SMARCA1: variants seen among roughly 807,000 people sequenced by gnomAD.
SMARCA1 encodes SNF2 related chromatin remodeling ATPase 1.
Under a neutral mutation model 93.6 loss-of-function variants are expected in SMARCA1, and 17 were observed. The ratio of observed to expected loss-of-function variants is 0.18; its 90% CI spans 0.12 to 0.27. The LOEUF is 0.27. SMARCA1 is among the 10% of genes least tolerant of loss of function. The pLI is 1.00. For synonymous variants in SMARCA1, 271 were observed against 271.4 expected (o/e 1.00, Z 0.01); for missense variants, 630 against 819.0 (o/e 0.77, Z 2.82).
In SMARCA1 at chrX:129,523,254, C is replaced by T. The variant is rs755879108; in HGVS notation, c.117G>A (p.Ala39=). ...PGPSTSQEEG[A]AAAATEATAA... ...CGGTGGCTTCGGTGGCCGCGGCGGC[C>T]GCTCCCTCCTCCTGAGAGGTGGACG... Residue 39 remains alanine, a synonymous_variant, in exon 1 of 25, where the codon GCG becomes GCA. Transcript: ENST00000371121. 3 of 1,209,159 alleles carry T rather than the reference C, an allele frequency of 2.5e-6. No individual in the cohort carries two copies. The highest frequency in any genetic ancestry group is 4.4e-5 in the Admixed American group (2 of 45,916).
chrX:129,474,105 G>A (rs759357229), intron 19 of SMARCA1, among the ~76,000 whole-genome samples: 6 of 111,233 alleles, frequency 5.4e-5, no homozygotes, highest in Non-Finnish European at 1.1e-4. Flanking sequence ...TGGAAAAATC[G>A]GTGAAAAAGC....
chrX:129,496,996 CGT>C, intron 11 of SMARCA1, 125 bp from the exon 12 acceptor site: 1 of 482,749 alleles, frequency 2.1e-6, no homozygotes, highest in Non-Finnish European at 3.5e-6. Context: ...CACACACACA[CGT>C]GCACACACAC....
intron 13 of SMARCA1, among the ~76,000 whole-genome samples, chrX:129,492,597 T>G (rs1316629518): frequency 1.8e-5 from 2 of 110,747 alleles, no homozygotes; most frequent in East Asian, 5.6e-4. Flanking sequence ...AAGGGGAAAG[T>G]AAGAAGATTT....
chrX:129,451,516 C>A (rs1360610215), intron 23 of SMARCA1, among the ~76,000 whole-genome samples: 1 of 110,876 alleles, frequency 9.0e-6, no homozygotes, highest in Non-Finnish European at 1.9e-5. Context: ...AGTAGAATAC[C>A]TCAAAATGAG....
chrX:129,460,890 A>G (rs1261779859), intron 23 of SMARCA1, among the ~76,000 whole-genome samples: 1 of 112,300 alleles, frequency 8.9e-6, no homozygotes. Flanking sequence ...AAAACAGGGA[A>G]GTTAATAAAG....
At chrX:129,476,545 C>T (rs1933391108) in intron 19 of SMARCA1, among the ~76,000 whole-genome samples, 1 of 111,763 alleles carries the variant, frequency 8.9e-6, no homozygotes, top group Admixed American at 9.5e-5. Context: ...ATAGATAAAA[C>T]GTAACCATGA....
intron 19 of SMARCA1, among the ~76,000 whole-genome samples, chrX:129,476,074 G>A (rs746687909): frequency 1.8e-5 from 2 of 112,177 alleles, no homozygotes; most frequent in Admixed American, 9.4e-5. Context: ...TCAATGGAAC[G>A]TCCAGATATT....
chrX:129,482,207 G>T (rs1446624436), intron 17 of SMARCA1, among the ~76,000 whole-genome samples: 6 of 92,928 alleles, frequency 6.5e-5, no homozygotes, highest in African/African-American at 2.4e-4. Context: ...GGGAGGGATA[G>T]CATTGGGAGA....
chrX:129,514,435 A>G (rs2124341952), intron 5 of SMARCA1, among the ~76,000 whole-genome samples: 1 of 112,689 alleles, frequency 8.9e-6, no homozygotes, highest in East Asian at 2.8e-4. Flanking sequence ...ACTGATTTCC[A>G]AAGCCCCACC....
At chrX:129,490,531 A>G (rs1177201219) in intron 14 of SMARCA1, among the ~76,000 whole-genome samples, 2 of 112,188 alleles carry the variant, frequency 1.8e-5, no homozygotes, top group Non-Finnish European at 3.8e-5. Context: ...TTTATTAAGT[A>G]GTTAGGGTTG....
intron 11 of SMARCA1, among the ~76,000 whole-genome samples, chrX:129,497,237 T>C (rs1034505331): frequency 1.1e-4 from 12 of 110,964 alleles, no homozygotes; most frequent in Non-Finnish European, 2.1e-4. Flanking sequence ...TCATCCTCAA[T>C]AGACCCCCAT....
intron 21 of SMARCA1, among the ~76,000 whole-genome samples, chrX:129,467,394 C>A (rs938492486): frequency 1.1e-4 from 12 of 111,447 alleles, no homozygotes; most frequent in East Asian, 2.8e-4. Context: ...GAAAAAAATT[C>A]TTCTTAAAAA....
chrX:129,462,918 T>C (rs1932830818), intron 23 of SMARCA1, among the ~76,000 whole-genome samples: 1 of 105,728 alleles, frequency 9.5e-6, no homozygotes, highest in Non-Finnish European at 2.0e-5. Flanking sequence ...CAGAGACATC[T>C]AGTGGTTGAT....
chrX:129,480,759 C>A lies in SMARCA1; in HGVS notation c.2384G>T (p.Arg795Leu). The A allele has an allele frequency of 8.7e-7, 1 of 1,148,037 alleles. No individual in the cohort carries two copies. Among genetic ancestry groups the A allele is most frequent in the Non-Finnish European group, 1.1e-6 (1 of 870,253 alleles). The allele number at this position is 1,148,037 out of a possible 1,213,427, so 94.6% of individuals were successfully genotyped here. A position where few individuals can be genotyped will look rare whatever the true frequency, so the allele number is the denominator to read the frequency against. ...NVQDFQFFPP[R>L]LFELLEKEIL... ...TTCCTTTTCCAGGAGCTCAAATAAGCGTGGTGGGAAAAATTGAAAATCCTG... is the reference window on the plus strand; with the variant it reads ...TTCCTTTTCCAGGAGCTCAAATAAGAGTGGTGGGAAAAATTGAAAATCCTG... The change falls in exon 19 of 25, where the codon CGC becomes CTC. Residue 795 changes from arginine (R) to leucine (L), a missense_variant. Arg to Leu is a moderately radical substitution (Grantham distance 102). Transcript: ENST00000371121.
chrX:129,456,999 T>G (rs1033424115), intron 23 of SMARCA1, among the ~76,000 whole-genome samples: 3 of 112,168 alleles, frequency 2.7e-5, no homozygotes, highest in Middle Eastern at 4.6e-3. Flanking sequence ...CAGCATCACA[T>G]GCCAAAGATA....
At chrX:129,493,746 G>A (rs754481330) in intron 12 of SMARCA1, among the ~76,000 whole-genome samples, 9 of 112,149 alleles carry the variant, frequency 8.0e-5, no homozygotes, top group African/African-American at 2.9e-4. Context: ...GGAACTTTAA[G>A]TTGCCTAGCT....
At chrX:129,478,767 G>A (rs1239338895) in intron 19 of SMARCA1, among the ~76,000 whole-genome samples, 1 of 112,228 alleles carries the variant, frequency 8.9e-6, no homozygotes, top group Admixed American at 9.5e-5. Flanking sequence ...TATCAGAGAT[G>A]ATTTTTTTAA....
intron 6 of SMARCA1, 145 bp downstream of exon 6, chrX:129,511,658 TA>T (rs1984592394): frequency 1.8e-5 from 7 of 390,775 alleles, no homozygotes; most frequent in South Asian, 1.6e-4. Context: ...GCAAAGCACT[TA>T]AAACAGAGTC....
intron 23 of SMARCA1, 152 bp from the exon 24 acceptor site, chrX:129,448,595 A>G (rs1314918343): frequency 1.4e-5 from 7 of 502,889 alleles, no homozygotes; most frequent in Non-Finnish European, 2.3e-5. Flanking sequence ...AATAGATTCC[A>G]CCAGAATTAG....
Sources: gnomAD v4.1 joint callset for allele counts (sites outside exome capture counted in the v4.1 genomes callset) on GRCh38, gnomAD v4.1.1 for gene constraint, MANE v1.5 for transcripts, NCBI Gene and HGNC (gene_info 2026-07-23, HGNC 2026-07-21) for gene names.